The following RPS6KA2 variants were observed in gnomAD, a reference collection of about 807,000 sequenced individuals.
RPS6KA2 encodes the protein ribosomal protein S6 kinase alpha-2.
Under a neutral mutation model 91.8 loss-of-function variants are expected in RPS6KA2, and 42 were observed. That is an observed-to-expected ratio of 0.46 (90% CI 0.36 to 0.59). The LOEUF is 0.59. Ranked by LOEUF, RPS6KA2 falls within the 20% of genes least tolerant of loss-of-function variation. RPS6KA2 has a pLI of 0.00. For missense variants in RPS6KA2, 798 were observed against 978.5 expected, an observed-to-expected ratio of 0.82 and a Z score of 2.46; for synonymous variants, 414 against 393.6, an observed-to-expected ratio of 1.05 and a Z score of -0.61.
At position 166,701,199 on chromosome 6, in the gene RPS6KA2, A is replaced by G. The variant is rs901541230; in HGVS notation, c.123+157001T>C. ...GAATTTTTCTCTGGGCAACCTGGCA[A>G]GCATAGAAGTGACCAGTTATTTTGA... is the stretch of plus-strand genomic sequence containing the variant. On this transcript the variant is annotated intron_variant, in intron 2 of 21. Coordinates refer to the RPS6KA2 transcript ENST00000503859. 3.2e-5 allele frequency: 52 copies of G among 1,612,074 alleles called. 1 individual carries two copies. The African/African-American group carries it at 6.4e-4, about 20-fold the overall frequency.
chr6:166,754,028 C>T (rs1777923270), intron 2 of RPS6KA2, among the ~76,000 whole-genome samples: 2 of 152,298 alleles, frequency 1.3e-5, no homozygotes, highest in South Asian at 2.1e-4. Context: ...AATCCAGCCC[C>T]GAGCCCCAGC....
intron 11 of RPS6KA2, chr6:166,463,265 T>C (rs916865724): frequency 2.6e-5 from 4 of 152,242 alleles, no homozygotes; most frequent in Admixed American, 6.5e-5. Context: ...TTGCTTTGTA[T>C]GTAAACCACT....
At chr6:166,416,581 G>A (rs906418914) in intron 19 of RPS6KA2, among the ~76,000 whole-genome samples, 9 of 148,960 alleles carry the variant, frequency 6.0e-5, no homozygotes, top group Admixed American at 3.3e-4. Context: ...TCACCTCCAC[G>A]ATCACTCCCG....
Position 166,490,210 on chromosome 6 carries a change from T to G in RPS6KA2, c.818+461A>C, listed in dbSNP as rs1781540630. On this transcript the variant is annotated intron_variant, in intron 9 of 20. Coordinates refer to ENST00000265678, the MANE Select transcript of RPS6KA2 (RefSeq NM_021135.6). This position sits in a 1 kb window ranked among gnomAD's most constrained non-coding sequence, Gnocchi z 4.2. ...AGGTCAACCAGGAGTGCTATATGAA[T>G]GGGGTCAGCAGGTGGGGAGGGAAAG... Among the ~76,000 whole-genome samples, 1 of 152,142 alleles carries G rather than the reference T, an allele frequency of 6.6e-6. No homozygotes were observed. The highest frequency in any genetic ancestry group is 2.4e-5 in the African/African-American group (1 of 41,444).
chr6:166,415,691 G>A (rs1267305880), intron 19 of RPS6KA2, among the ~76,000 whole-genome samples: 1 of 152,084 alleles, frequency 6.6e-6, no homozygotes, highest in African/African-American at 2.4e-5. Flanking sequence ...CCTAGTCTGA[G>A]GCTCTATTTT....
At chr6:166,573,751 T>C (rs536683874) in intron 1 of RPS6KA2, among the ~76,000 whole-genome samples, 6 of 152,334 alleles carry the variant, frequency 3.9e-5, no homozygotes, top group Admixed American at 3.3e-4. Flanking sequence ...CTCGAGTCCA[T>C]TGGCTGCGTG....
At chr6:166,826,417 G>A (rs1406374867) in intron 2 of RPS6KA2, among the ~76,000 whole-genome samples, 1 of 152,204 alleles carries the variant, frequency 6.6e-6, no homozygotes, top group Non-Finnish European at 1.5e-5. Flanking sequence ...GACTCAAAAA[G>A]TCTGGGCCAT....
At chr6:166,503,933 G>A (rs886605880) in intron 6 of RPS6KA2, among the ~76,000 whole-genome samples, 2 of 152,202 alleles carry the variant, frequency 1.3e-5, no homozygotes, top group African/African-American at 2.4e-5. Flanking sequence ...TTCTGGGGCC[G>A]TTGTCTTTTA....
At chr6:166,689,905 G>A (rs1789151112) in intron 2 of RPS6KA2, among the ~76,000 whole-genome samples, 1 of 152,228 alleles carries the variant, frequency 6.6e-6, no homozygotes, top group African/African-American at 2.4e-5. Flanking sequence ...CAGGCCAAGT[G>A]GCAGGAAGCA....
chr6:166,803,965 A>C (rs1043612922), intron 2 of RPS6KA2, among the ~76,000 whole-genome samples: 1 of 152,236 alleles, frequency 6.6e-6, no homozygotes, highest in Non-Finnish European at 1.5e-5. Flanking sequence ...AGTCTGTTCT[A>C]GTGTAACCCT....
At chr6:166,519,685 A>G (rs369271990) in intron 3 of RPS6KA2, among the ~76,000 whole-genome samples, 1 of 152,178 alleles carries the variant, frequency 6.6e-6, no homozygotes, top group South Asian at 2.1e-4. Flanking sequence ...GGGAGGAAGC[A>G]CTTTGTGAGA....
chr6:166,461,268 A>T (rs1780277751), intron 11 of RPS6KA2, among the ~76,000 whole-genome samples: 1 of 152,140 alleles, frequency 6.6e-6, no homozygotes, highest in Non-Finnish European at 1.5e-5. Context: ...AGAAATGAAA[A>T]GACGCTGCTT....
At chr6:166,704,765 C>G (rs914253099) in intron 2 of RPS6KA2, among the ~76,000 whole-genome samples, 5 of 152,246 alleles carry the variant, frequency 3.3e-5, no homozygotes, top group Non-Finnish European at 7.3e-5. Context: ...TGTAACTGTC[C>G]TGTCTGCATT....
chr6:166,535,487 T>C (rs547320269), intron 2 of RPS6KA2, among the ~76,000 whole-genome samples: 4 of 152,356 alleles, frequency 2.6e-5, no homozygotes, highest in African/African-American at 9.6e-5. Flanking sequence ...TGGTTCCTTT[T>C]TCGAATGCAG....
intron 2 of RPS6KA2, among the ~76,000 whole-genome samples, chr6:166,667,570 T>G (rs1359945426): frequency 6.6e-6 from 1 of 152,098 alleles, no homozygotes; most frequent in Non-Finnish European, 1.5e-5. Context: ...TCAGGAAAAA[T>G]GTCACAGGAA....
intron 6 of RPS6KA2, among the ~76,000 whole-genome samples, chr6:166,502,267 T>C (rs926208470): frequency 2.3e-4 from 35 of 152,192 alleles, no homozygotes; most frequent in African/African-American, 8.4e-4. Flanking sequence ...AAATAACCAC[T>C]ATTTTCTGGA....
intron 1 of RPS6KA2, among the ~76,000 whole-genome samples, chr6:166,564,452 C>T (rs563039929): frequency 1.3e-5 from 2 of 152,168 alleles, no homozygotes; most frequent in East Asian, 1.9e-4. Context: ...AGCTTCTGTG[C>T]CGCTCTTCCA....
At chr6:166,797,499 C>T (rs894659618) in intron 2 of RPS6KA2, among the ~76,000 whole-genome samples, 7 of 152,026 alleles carry the variant, frequency 4.6e-5, no homozygotes, top group Non-Finnish European at 8.8e-5. Context: ...ACACATATGT[C>T]ATATGTATCA....
At chr6:166,760,568 A>C (rs1778140664) in intron 2 of RPS6KA2, among the ~76,000 whole-genome samples, 1 of 152,252 alleles carries the variant, frequency 6.6e-6, no homozygotes, top group African/African-American at 2.4e-5. Flanking sequence ...GGAAACTAGC[A>C]TAGGTTAGAT....
Sources: gnomAD v4.1 joint callset for allele counts (sites outside exome capture counted in the v4.1 genomes callset) on GRCh38, gnomAD v4.1.1 for gene constraint, Gnocchi (gnomAD v3.1) non-coding constraint, MANE v1.5 for transcripts, NCBI Gene and HGNC (gene_info 2026-07-23, HGNC 2026-07-21) for gene names.